The following ZNF804A variants were observed in gnomAD, a reference collection of about 807,000 sequenced individuals.
ZNF804A encodes zinc finger protein 804A.
In ZNF804A, 2 loss-of-function variants were observed where a neutral mutation model predicts 16.5. That is an observed-to-expected ratio of 0.12 (90% confidence interval 0.05 to 0.38). The LOEUF (loss-of-function observed/expected upper bound fraction) is 0.38. Ranked by LOEUF, ZNF804A falls within the 10% of genes least tolerant of loss-of-function variation. The pLI, the probability that ZNF804A is intolerant of heterozygous loss-of-function variation, is 0.99. For missense variants in ZNF804A, 1,473 were observed against 1,390.7 expected, an observed-to-expected ratio of 1.06 and a Z score of -0.94; for synonymous variants, 534 against 489.6, an observed-to-expected ratio of 1.09 and a Z score of -1.20.
chr2:184,734,397 A>G (rs1693576659), intron 1 of ZNF804A, among the ~76,000 whole-genome samples: 1 of 152,222 alleles, frequency 6.6e-6, no homozygotes, highest in Non-Finnish European at 1.5e-5. Context: ...TATTAAAAAA[A>G]TTCTCATGAA....
intron 1 of ZNF804A, among the ~76,000 whole-genome samples, chr2:184,720,942 A>G (rs1482449454): frequency 6.6e-6 from 1 of 152,204 alleles, no homozygotes; most frequent in African/African-American, 2.4e-5. Flanking sequence ...ATAAGTCCAT[A>G]TATTTGCAGC....
At chr2:184,806,932 T>A (rs535703670) in intron 1 of ZNF804A, among the ~76,000 whole-genome samples, 2 of 151,956 alleles carry the variant, frequency 1.3e-5, no homozygotes, top group South Asian at 4.1e-4. Flanking sequence ...ATTGTCATAT[T>A]TGTATGAAAA....
chr2:184,790,308 T>C (rs765609996), intron 1 of ZNF804A, among the ~76,000 whole-genome samples: 17 of 151,896 alleles, frequency 1.1e-4, no homozygotes, highest in Middle Eastern at 6.8e-3. Context: ...ATGAGAATAA[T>C]GTATATTTTG....
chr2:184,782,728 CT>C (rs1266295020), intron 1 of ZNF804A, among the ~76,000 whole-genome samples: 2 of 146,358 alleles, frequency 1.4e-5, no homozygotes, highest in African/African-American at 5.0e-5. Flanking sequence ...TAGTTTTGTC[CT>C]TCTAGAGAAG....
At chr2:184,682,915 G>A (rs865991650) in intron 1 of ZNF804A, among the ~76,000 whole-genome samples, 3 of 152,122 alleles carry the variant, frequency 2.0e-5, no homozygotes, top group African/African-American at 2.4e-5. Context: ...GGCTGAGGTG[G>A]GAGAATCACC....
chr2:184,810,136 T>TGTC (rs1694869074), intron 1 of ZNF804A, among the ~76,000 whole-genome samples: 1 of 152,168 alleles, frequency 6.6e-6, no homozygotes, highest in African/African-American at 2.4e-5. Flanking sequence ...AAAGCACAGC[T>TGTC]TTACCCTTTG....
At chr2:184,675,014 T>G (rs534648133) in intron 1 of ZNF804A, among the ~76,000 whole-genome samples, 1 of 151,918 alleles carries the variant, frequency 6.6e-6, no homozygotes, top group African/African-American at 2.4e-5. Context: ...TATATATGCC[T>G]TAGTTATGTA....
intron 1 of ZNF804A, among the ~76,000 whole-genome samples, chr2:184,684,076 G>A (rs1278047684): frequency 1.3e-5 from 2 of 152,108 alleles, no homozygotes; most frequent in Admixed American, 6.6e-5. Flanking sequence ...TTGTAAGCAG[G>A]CAGATGGCTG....
intron 1 of ZNF804A, among the ~76,000 whole-genome samples, chr2:184,763,582 G>T (rs1694072602): frequency 7.0e-6 from 1 of 142,200 alleles, no homozygotes; most frequent in Non-Finnish European, 1.5e-5. Context: ...CTGGTATTAA[G>T]GTGCCCATCT....
intron 2 of ZNF804A, among the ~76,000 whole-genome samples, chr2:184,888,386 A>T (rs1170754940): frequency 6.6e-6 from 1 of 152,190 alleles, no homozygotes; most frequent in African/African-American, 2.4e-5. Context: ...GATGTAATAT[A>T]TGTGTGGCTA....
At chr2:184,879,688 T>C (rs547148430) in intron 2 of ZNF804A, among the ~76,000 whole-genome samples, 5 of 152,028 alleles carry the variant, frequency 3.3e-5, no homozygotes, top group African/African-American at 1.2e-4. Flanking sequence ...GAGAAAATAA[T>C]TTTTTGGTAC....
chr2:184,892,645 G>A (rs1051776147), intron 2 of ZNF804A, among the ~76,000 whole-genome samples: 1 of 151,768 alleles, frequency 6.6e-6, no homozygotes, highest in African/African-American at 2.4e-5. Context: ...CACCATGCCC[G>A]GCTAATTTTT....
chr2:184,820,991 C>T (rs558074756), intron 1 of ZNF804A, among the ~76,000 whole-genome samples: 12 of 151,856 alleles, frequency 7.9e-5, no homozygotes, highest in Non-Finnish European at 1.8e-4. Context: ...GCCATATTGC[C>T]CAAAGTAACT....
At chr2:184,674,556 A>T (rs1692390052) in intron 1 of ZNF804A, among the ~76,000 whole-genome samples, 1 of 151,902 alleles carries the variant, frequency 6.6e-6, no homozygotes, top group Non-Finnish European at 1.5e-5. Context: ...GTGTGAAACT[A>T]ATTTATTGAT....
chr2:184,807,337 ATT>A, intron 1 of ZNF804A, among the ~76,000 whole-genome samples: 1 of 151,854 alleles, frequency 6.6e-6, no homozygotes, highest in Non-Finnish European at 1.5e-5. Context: ...ACCTGGGTTA[ATT>A]GTTTGCCATT....
chr2:184,865,959 A>G (rs957998026), intron 1 of ZNF804A, among the ~76,000 whole-genome samples: 2 of 152,204 alleles, frequency 1.3e-5, no homozygotes, highest in African/African-American at 4.8e-5. Context: ...GCACAAATAT[A>G]GACCTTTTCA....
At chr2:184,768,120 C>A (rs1694157758) in intron 1 of ZNF804A, among the ~76,000 whole-genome samples, 1 of 151,950 alleles carries the variant, frequency 6.6e-6, no homozygotes, top group African/African-American at 2.4e-5. Flanking sequence ...AAAAATACAA[C>A]AGTAAAAAAT....
chr2:184,619,945 T>A (rs1204682572), intron 1 of ZNF804A, among the ~76,000 whole-genome samples: 1 of 151,834 alleles, frequency 6.6e-6, no homozygotes, highest in East Asian at 1.9e-4. Context: ...GGTAACAAAA[T>A]ACATCCAATT....
At chr2:184,625,900 G>A (rs997904389) in intron 1 of ZNF804A, among the ~76,000 whole-genome samples, 3 of 151,832 alleles carry the variant, frequency 2.0e-5, no homozygotes, top group South Asian at 2.1e-4. Flanking sequence ...ACGGAGTCTC[G>A]TGCTGTCGCC....
Sources: allele counts gnomAD v4.1 joint callset (sites outside exome capture counted in the v4.1 genomes callset), GRCh38; gene constraint gnomAD v4.1.1; transcripts MANE v1.5; gene names NCBI Gene and HGNC (gene_info 2026-07-23, HGNC 2026-07-21).